CADM2: variants seen among roughly 807,000 people sequenced by gnomAD.
The protein encoded by CADM2 is immunoglobulin superfamily member 4D.
CADM2 carries 12 observed loss-of-function variants against 49.8 expected under a neutral mutation model. That is an observed-to-expected ratio of 0.24 (90% CI 0.15 to 0.39). CADM2 has a LOEUF of 0.39. CADM2 is among the 10% of genes least tolerant of loss of function. The pLI is 1.00. For synonymous variants in CADM2, 214 were observed against 175.4 expected (o/e 1.22, Z -1.74); for missense variants, 378 against 492.3 (o/e 0.77, Z 2.20).
intron 1 of CADM2, among the ~76,000 whole-genome samples, chr3:85,639,191 A>G (rs1195817636): frequency 6.6e-6 from 1 of 152,202 alleles, no homozygotes; most frequent in Admixed American, 6.5e-5. Flanking sequence ...ATGATTAAAG[A>G]TGTTTCAAAT....
intron 1 of CADM2, among the ~76,000 whole-genome samples, chr3:85,409,019 A>C (rs1442500520): frequency 6.6e-6 from 1 of 152,164 alleles, no homozygotes; most frequent in Non-Finnish European, 1.5e-5. Context: ...CAAATATTTC[A>C]CTACATTCTC....
intron 1 of CADM2, among the ~76,000 whole-genome samples, chr3:85,086,511 T>C (rs888704250): frequency 3.7e-5 from 1 of 26,844 alleles, no homozygotes; most frequent in Non-Finnish European, 7.4e-5. Flanking sequence ...AGAATAAACT[T>C]TTTTTTTTTT....
chr3:85,536,518 G>T (rs1324998011), intron 1 of CADM2, among the ~76,000 whole-genome samples: 1 of 151,194 alleles, frequency 6.6e-6, no homozygotes, highest in Non-Finnish European at 1.5e-5. Flanking sequence ...TTCAGGCTTT[G>T]TTAGGAATGG....
Position 85,034,790 on chromosome 3 carries a change from CTT to C in CADM2, c.61+75145_61+75146del, listed in dbSNP as rs1179967499. ...TATCTTTTAGATAAAAGACATTTTG[CTT>C]TTTTTTTTTTTTTTTTTTTTTTACC... is the stretch of plus-strand genomic sequence containing the variant. On this transcript the variant is annotated intron_variant, in intron 1 of 9. Coordinates refer to ENST00000383699, the MANE Select transcript of CADM2 (RefSeq NM_001167675.2). Among the ~76,000 whole-genome samples, 180 of 84,038 alleles carry C rather than the reference CTT, an allele frequency of 2.1e-3. 3 individuals are homozygous for C. In the East Asian group the frequency reaches 0.047, roughly 22 times the overall value. 55.1% of individuals were successfully genotyped at this position (84,038 alleles called of 152,430 possible).
intron 1 of CADM2, among the ~76,000 whole-genome samples, chr3:85,189,057 T>TA (rs1230768980): frequency 1.1e-3 from 128 of 111,776 alleles, no homozygotes; most frequent in African/African-American, 3.6e-3. Flanking sequence ...TAATAATAAA[T>TA]AAATAAAATA....
chr3:85,461,936 G>A (rs61158221), intron 1 of CADM2, among the ~76,000 whole-genome samples: 3,190 of 152,130 alleles, frequency 0.021, 108 homozygotes, highest in African/African-American at 0.072. Flanking sequence ...TCAGGGGTCC[G>A]GACTTTCGCT....
intron 3 of CADM2, among the ~76,000 whole-genome samples, chr3:85,866,453 A>G (rs1032407358): frequency 2.0e-5 from 3 of 152,140 alleles, no homozygotes; most frequent in Non-Finnish European, 4.4e-5. Flanking sequence ...TTATTTAATT[A>G]CATTCCTTCC....
intron 4 of CADM2, among the ~76,000 whole-genome samples, chr3:85,885,291 C>G: frequency 6.6e-6 from 1 of 151,436 alleles, no homozygotes; most frequent in East Asian, 2.0e-4. Flanking sequence ...AATCCCAGCA[C>G]TTTGGGAGGC....
chr3:85,129,395 G>T (rs1234197429), intron 1 of CADM2, among the ~76,000 whole-genome samples: 2 of 151,850 alleles, frequency 1.3e-5, no homozygotes, highest in East Asian at 1.9e-4. Context: ...TTTCTTTTGT[G>T]TAGGCAATTG....
intron 2 of CADM2, among the ~76,000 whole-genome samples, chr3:85,731,163 G>T (rs901023411): frequency 1.3e-5 from 2 of 152,052 alleles, no homozygotes; most frequent in Non-Finnish European, 2.9e-5. Context: ...GGAATCCCAG[G>T]CTACCCATCA....
chr3:85,007,566 G>A (rs1417279258), intron 1 of CADM2, among the ~76,000 whole-genome samples: 1 of 152,152 alleles, frequency 6.6e-6, no homozygotes, highest in African/African-American at 2.4e-5. Flanking sequence ...AGGATGCAGA[G>A]TTTAACTCCG....
In CADM2 at chr3:86,032,907, G is replaced by A. The variant is rs79214758; in HGVS notation, c.971-32698G>A. Among the ~76,000 whole-genome samples the A allele has an allele frequency of 8.3e-3, 1,259 of 151,674 alleles. 17 individuals carry two copies. The highest frequency in any genetic ancestry group is 0.027 in the African/African-American group (1,108 of 41,422). ...TACAGATTTCTTTTCTTATTTTCCT[G>A]AAAAGGTTGAAGTTCTTTGATGAGA... On this transcript the variant is annotated intron_variant, in intron 8 of 9. Transcript: ENST00000383699.
intron 1 of CADM2, among the ~76,000 whole-genome samples, chr3:85,177,767 A>G (rs552811025): frequency 1.1e-4 from 17 of 152,092 alleles, no homozygotes; most frequent in Middle Eastern, 3.4e-3. Context: ...CTTAAGCACC[A>G]TACAATACTG....
chr3:85,415,722 A>C (rs2035890975), intron 1 of CADM2, among the ~76,000 whole-genome samples: 1 of 152,160 alleles, frequency 6.6e-6, no homozygotes, highest in Admixed American at 6.5e-5. Context: ...TACTTCAAAC[A>C]AAATTTTTGC....
intron 1 of CADM2, among the ~76,000 whole-genome samples, chr3:85,621,570 A>G (rs1470910917): frequency 2.0e-5 from 3 of 152,144 alleles, no homozygotes; most frequent in Non-Finnish European, 4.4e-5. Context: ...TCTTAGTTCA[A>G]TGCGATTACT....
At chr3:85,343,662 A>G (rs938512827) in intron 1 of CADM2, among the ~76,000 whole-genome samples, 2 of 152,190 alleles carry the variant, frequency 1.3e-5, no homozygotes, top group Non-Finnish European at 1.5e-5. Context: ...GAATAGTGTA[A>G]GAAACACAAG....
intron 1 of CADM2, among the ~76,000 whole-genome samples, chr3:85,223,766 C>T (rs1049861438): frequency 1.3e-5 from 2 of 152,042 alleles, no homozygotes; most frequent in African/African-American, 4.8e-5. Flanking sequence ...CCCACTCCCC[C>T]AACAAGCCCT....
At chr3:85,820,387 A>G (rs2073478973) in intron 3 of CADM2, among the ~76,000 whole-genome samples, 1 of 152,146 alleles carries the variant, frequency 6.6e-6, no homozygotes, top group Non-Finnish European at 1.5e-5. Flanking sequence ...AGGGAGACCA[A>G]TTAGAGAGCT....
intron 1 of CADM2, among the ~76,000 whole-genome samples, chr3:85,100,576 A>G (rs186027251): frequency 6.4e-4 from 98 of 152,316 alleles, no homozygotes; most frequent in Non-Finnish European, 1.1e-3. Flanking sequence ...GAGTATTTCT[A>G]TAAGTATTAT....
Sources: gnomAD v4.1 joint callset for allele counts (sites outside exome capture counted in the v4.1 genomes callset) on GRCh38, gnomAD v4.1.1 for gene constraint, MANE v1.5 for transcripts, NCBI Gene and HGNC (gene_info 2026-07-23, HGNC 2026-07-21) for gene names.